Variants in FAM178B observed in about 807,000 individuals in gnomAD.
FAM178B encodes the protein protein FAM178B.
A neutral mutation model predicts 91.7 loss-of-function variants in FAM178B; 82 were observed. That is an observed-to-expected ratio of 0.89 (90% CI 0.75 to 1.07). The LOEUF (loss-of-function observed/expected upper bound fraction) is 1.07. Among genes scored for constraint, FAM178B ranks in the 50% least tolerant of loss-of-function variants. The pLI is 0.00. For missense variants in FAM178B, 769 were observed against 846.7 expected (o/e 0.91, Z 1.14); for synonymous variants, 368 against 359.4 (o/e 1.02, Z -0.27).
intron 1 of FAM178B, among the ~76,000 whole-genome samples, chr2:96,975,688 A>C (rs2082279520): frequency 6.6e-6 from 1 of 151,962 alleles, no homozygotes; most frequent in African/African-American, 2.4e-5. Flanking sequence ...ATTTGTACCA[A>C]TTAATAAACC....
Position 96,954,852 on chromosome 2 carries a change from C to T in FAM178B, c.888-3368G>A, listed in dbSNP as rs531133197. Among the ~76,000 whole-genome samples, 3 of 152,182 alleles carry T rather than the reference C, an allele frequency of 2.0e-5. No individual in the cohort carries two copies. The East Asian group carries it at 5.8e-4, about 29-fold the overall frequency. On this transcript the variant is annotated intron_variant, in intron 6 of 16. Transcript: ENST00000490605. ...ATAGCTTGAGGCCAGGAATTTGAGA[C>T]CAGCCTAGGCAACACAGTGAGACCC... is the stretch of plus-strand genomic sequence containing the variant.
chr2:96,894,831 C>T (rs1360352003), intron 13 of FAM178B, among the ~76,000 whole-genome samples: 16 of 66,440 alleles, frequency 2.4e-4, no homozygotes, highest in Non-Finnish European at 8.8e-5. Context: ...CCCCTATACA[C>T]CCCCACCCAC....
intron 6 of FAM178B, among the ~76,000 whole-genome samples, chr2:96,957,579 C>T (rs1443166287): frequency 1.3e-5 from 2 of 152,228 alleles, no homozygotes; most frequent in Admixed American, 6.5e-5. Context: ...GCTCCATGGG[C>T]CATCTCATCT....
intron 1 of FAM178B, among the ~76,000 whole-genome samples, chr2:96,985,960 A>C (rs147361964): frequency 1.1e-3 from 164 of 152,310 alleles, no homozygotes; most frequent in African/African-American, 3.8e-3. Context: ...AATCAAAACA[A>C]AACATGCCAC....
At chr2:96,923,677 T>C (rs1394462088) in intron 9 of FAM178B, 94 bp from the exon 10 acceptor site, 2 of 891,408 alleles carry the variant, frequency 2.2e-6, no homozygotes, top group Admixed American at 2.0e-5. Context: ...GCCCTGAGGC[T>C]GCTCATCCGC....
chr2:96,933,068 C>T (rs958616125), intron 8 of FAM178B, among the ~76,000 whole-genome samples: 3 of 150,604 alleles, frequency 2.0e-5, no homozygotes, highest in African/African-American at 7.3e-5. Context: ...CACGGTGAAA[C>T]CCGGTCTCTA....
At chr2:96,903,959 C>G (rs2080982509) in intron 12 of FAM178B, among the ~76,000 whole-genome samples, 2 of 152,186 alleles carry the variant, frequency 1.3e-5, no homozygotes, top group Admixed American at 1.3e-4. Flanking sequence ...GCAGAACAAG[C>G]AGCAGCAGCA....
At chr2:96,936,855 C>T (rs1049858491) in intron 8 of FAM178B, among the ~76,000 whole-genome samples, 1 of 151,860 alleles carries the variant, frequency 6.6e-6, no homozygotes, top group African/African-American at 2.4e-5. Flanking sequence ...GGGGGGTCTC[C>T]ACACACCATT....
At chr2:96,943,037 T>C (rs981961584) in intron 8 of FAM178B, among the ~76,000 whole-genome samples, 1 of 152,120 alleles carries the variant, frequency 6.6e-6, no homozygotes, top group Non-Finnish European at 1.5e-5. Flanking sequence ...GCTAAAAGTA[T>C]AAAACTCTTA....
At position 96,899,575 on chromosome 2, in the gene FAM178B, G is replaced by GA. The variant is rs1002494007; in HGVS notation, c.1650+3044dup. Among the ~76,000 whole-genome samples, 479 of 145,508 alleles carry GA rather than the reference G, an allele frequency of 3.3e-3. 1 individual carries two copies. Among genetic ancestry groups the GA allele is most frequent in the Non-Finnish European group, 6.2e-3 (408 of 66,088 alleles). ...CACTCCATGTACTTTAAAAAAAAAA[G>GA]AAAAAAAAAAGCGGGTCTTGCTCTG... On this transcript the variant is annotated intron_variant, in intron 13 of 16. Coordinates refer to ENST00000490605, the MANE Select transcript of FAM178B (RefSeq NM_001122646.3).
chr2:96,921,384 C>A, intron 11 of FAM178B, 94 bp downstream of exon 11: 1 of 1,508,492 alleles, frequency 6.6e-7, no homozygotes, highest in Non-Finnish European at 9.0e-7. Context: ...CCGATGACCT[C>A]CAGGCAGTGC....
chr2:96,918,674 ATTAG>A (rs2081282083), intron 12 of FAM178B, among the ~76,000 whole-genome samples: 2 of 152,224 alleles, frequency 1.3e-5, no homozygotes, highest in African/African-American at 4.8e-5. Context: ...AATGTCCAGT[ATTAG>A]TAAGGGAGGA....
At chr2:96,984,152 G>C (rs1376384387) in intron 1 of FAM178B, among the ~76,000 whole-genome samples, 1 of 151,796 alleles carries the variant, frequency 6.6e-6, no homozygotes, top group East Asian at 1.9e-4. Flanking sequence ...AGTAGTGATG[G>C]GGTTTCACCA....
chr2:96,929,430 G>T, intron 8 of FAM178B, 110 bp from the exon 9 acceptor site: 2 of 750,122 alleles, frequency 2.7e-6, no homozygotes, highest in Admixed American at 2.7e-5. Context: ...ACCAGTTTTT[G>T]CCTTCTCTGA....
intron 13 of FAM178B, among the ~76,000 whole-genome samples, chr2:96,895,847 TCAGCCGGTTATGGGCTGAGA>T (rs1008862995): frequency 1.3e-4 from 20 of 152,332 alleles, no homozygotes; most frequent in Admixed American, 1.1e-3. Flanking sequence ...GCTCAGCACA[TCAGCCGGTTATGGGCTGAGA>T]CAGCCCACAA....
intron 9 of FAM178B, among the ~76,000 whole-genome samples, chr2:96,928,818 G>A: frequency 6.6e-6 from 1 of 152,120 alleles, no homozygotes. Flanking sequence ...CCCTACACAT[G>A]GGATACAGCC....
chr2:96,918,016 A>C (rs1318040680), intron 12 of FAM178B, among the ~76,000 whole-genome samples: 1 of 152,186 alleles, frequency 6.6e-6, no homozygotes, highest in Admixed American at 6.5e-5. Context: ...CTGAAAGAGA[A>C]GAAAGCACAC....
At chr2:96,930,548 G>A (rs1273548896) in intron 8 of FAM178B, among the ~76,000 whole-genome samples, 1 of 152,156 alleles carries the variant, frequency 6.6e-6, no homozygotes, top group Non-Finnish European at 1.5e-5. Context: ...TAGAACAGGA[G>A]TCCCACGAGG....
At chr2:96,975,368 A>G (rs1464151066) in intron 1 of FAM178B, among the ~76,000 whole-genome samples, 1 of 152,192 alleles carries the variant, frequency 6.6e-6, no homozygotes, top group Non-Finnish European at 1.5e-5. Context: ...GTAAAGTAAT[A>G]CATATGTTAA....
Sources: gnomAD v4.1 joint callset for allele counts (sites outside exome capture counted in the v4.1 genomes callset) on GRCh38, gnomAD v4.1.1 for gene constraint, MANE v1.5 for transcripts, NCBI Gene and HGNC (gene_info 2026-07-23, HGNC 2026-07-21) for gene names.